Variants in CTNNBL1 observed in about 807,000 individuals in gnomAD.
The protein encoded by CTNNBL1 is catenin beta like 1.
Under a neutral mutation model 72.7 loss-of-function variants are expected in CTNNBL1, and 31 were observed. The observed-to-expected ratio is 0.43, with a 90% CI of 0.32 to 0.58. The LOEUF is 0.58. CTNNBL1 is among the 20% of genes least tolerant of loss of function. The probability of loss-of-function intolerance (pLI) is 0.08; values close to 1 mark genes in which losing one functional copy is unlikely to be tolerated. For missense variants in CTNNBL1, 534 were observed against 725.1 expected (o/e 0.74, Z 3.03); for synonymous variants, 240 against 267.3 (o/e 0.90, Z 1.00).
chr20:37,760,132 G>A (rs1568767949), intron 5 of CTNNBL1, among the ~76,000 whole-genome samples: 1 of 152,148 alleles, frequency 6.6e-6, no homozygotes, highest in Admixed American at 6.5e-5. Context: ...AAATATTTGT[G>A]CTTTGTAACA....
intron 1 of CTNNBL1, chr20:37,727,302 G>A: frequency 8.2e-6 from 8 of 980,610 alleles, no homozygotes; most frequent in South Asian, 4.7e-5. Context: ...CTGTTTTCAG[G>A]GGCATGGATG....
chr20:37,779,306 G>A lies in CTNNBL1; in HGVS notation c.1002G>A (p.Glu334=), dbSNP rs2073605080. ...ATCGTGAGCGCTTCCTGAAGGGCGA[G>A]GGTCTTCAGCTGATGAATCTCATGC... ...SSNRERFLKG[E]GLQLMNLMLR... is the part of the protein sequence containing the mutation. Residue 334 remains glutamate, a synonymous_variant, in exon 10 of 16, where the codon GAG becomes GAA. Transcript: ENST00000361383. 6.2e-7 allele frequency: 1 copy of A among 1,613,526 alleles called. No individual in the cohort carries two copies. Among genetic ancestry groups the A allele is most frequent in the Non-Finnish European group, 8.5e-7 (1 of 1,179,678 alleles).
At chr20:37,726,386 A>T (rs2122587037) in intron 1 of CTNNBL1, among the ~76,000 whole-genome samples, 1 of 152,272 alleles carries the variant, frequency 6.6e-6, no homozygotes, top group Non-Finnish European at 1.5e-5. Context: ...CTTTCCAGCC[A>T]GTTTTAAGTT....
chr20:37,696,698 C>G (rs1049068928), intron 1 of CTNNBL1, among the ~76,000 whole-genome samples: 13 of 151,888 alleles, frequency 8.6e-5, no homozygotes, highest in Admixed American at 5.9e-4. Flanking sequence ...CAGCCTTGGC[C>G]TCCCAAAGTG....
intron 13 of CTNNBL1, among the ~76,000 whole-genome samples, chr20:37,852,317 T>C (rs2072403617): frequency 6.6e-6 from 1 of 152,218 alleles, no homozygotes; most frequent in African/African-American, 2.4e-5. Flanking sequence ...CATATTCCCA[T>C]TTGAAGCGTA....
At chr20:37,812,640 A>T (rs1215230919) in intron 11 of CTNNBL1, among the ~76,000 whole-genome samples, 1 of 152,162 alleles carries the variant, frequency 6.6e-6, no homozygotes, top group Non-Finnish European at 1.5e-5. Context: ...GGCTTCATTC[A>T]TTCTTATATT....
At chr20:37,838,589 T>G (rs2072275035) in intron 11 of CTNNBL1, among the ~76,000 whole-genome samples, 1 of 152,142 alleles carries the variant, frequency 6.6e-6, no homozygotes, top group African/African-American at 2.4e-5. Context: ...TGTTTGGACG[T>G]TAAGTTTAAA....
In CTNNBL1 at chr20:37,703,513, A is replaced by G. The variant is rs6020338; in HGVS notation, c.30+9361A>G. ...ATTTGACTCTGTAACTCTCTTCTTC[A>G]TCATTTTAGAAGAACTCATTCATTC... On this transcript the variant is annotated intron_variant, in intron 1 of 15. Transcript: ENST00000361383. Among the ~76,000 whole-genome samples, 693 of 152,296 alleles carry G rather than the reference A, an allele frequency of 4.6e-3. 9 individuals are homozygous for G. The highest frequency in any genetic ancestry group is 0.017 in the East Asian group (89 of 5,188).
At chr20:37,794,869 T>A (rs1235578190) in intron 10 of CTNNBL1, among the ~76,000 whole-genome samples, 1 of 152,036 alleles carries the variant, frequency 6.6e-6, no homozygotes, top group African/African-American at 2.4e-5. Flanking sequence ...TTCTGGGAGT[T>A]TTTTTGTTTT....
chr20:37,784,710 T>G (rs1448838935), intron 10 of CTNNBL1, among the ~76,000 whole-genome samples: 1 of 152,220 alleles, frequency 6.6e-6, no homozygotes, highest in African/African-American at 2.4e-5. Flanking sequence ...TGAAAAGTTG[T>G]TGTAATTATT....
intron 4 of CTNNBL1, among the ~76,000 whole-genome samples, chr20:37,754,026 A>C (rs2073343175): frequency 6.6e-6 from 1 of 152,112 alleles, no homozygotes; most frequent in Non-Finnish European, 1.5e-5. Context: ...ATGTGAGGCA[A>C]AGATGAATAT....
intron 15 of CTNNBL1, among the ~76,000 whole-genome samples, chr20:37,861,420 C>T (rs994595393): frequency 6.6e-6 from 1 of 152,228 alleles, no homozygotes; most frequent in African/African-American, 2.4e-5. Flanking sequence ...GTACGTGTGG[C>T]AGTGGAGGCC....
chr20:37,709,866 A>G (rs145106356), intron 1 of CTNNBL1, among the ~76,000 whole-genome samples: 11 of 152,204 alleles, frequency 7.2e-5, no homozygotes, highest in African/African-American at 2.7e-4. Context: ...TCTTTGGAAA[A>G]TGTGATGCCC....
chr20:37,713,230 A>G (rs1012216473), intron 1 of CTNNBL1, among the ~76,000 whole-genome samples: 1 of 152,208 alleles, frequency 6.6e-6, no homozygotes, highest in Non-Finnish European at 1.5e-5. Context: ...GACTTGTGCC[A>G]GTGGTTGCGT....
intron 1 of CTNNBL1, among the ~76,000 whole-genome samples, chr20:37,706,584 A>G (rs2072887257): frequency 6.6e-6 from 1 of 152,186 alleles, no homozygotes; most frequent in Admixed American, 6.5e-5. Flanking sequence ...TAGTTATCTT[A>G]CTGTTTCCAC....
chr20:37,849,142 T>G (rs1235052924), intron 13 of CTNNBL1, among the ~76,000 whole-genome samples: 1 of 152,208 alleles, frequency 6.6e-6, no homozygotes, highest in Non-Finnish European at 1.5e-5. Flanking sequence ...AACACTTACA[T>G]TCAGGCTACC....
At chr20:37,779,132 T>C in intron 9 of CTNNBL1, 55 bp from the exon 10 acceptor site, 1 of 1,577,636 alleles carries the variant, frequency 6.3e-7, no homozygotes, top group Non-Finnish European at 8.7e-7. Context: ...GGATGGAGGC[T>C]CATGAAAAGA....
At chr20:37,765,721 T>C (rs987379879) in intron 6 of CTNNBL1, among the ~76,000 whole-genome samples, 2 of 152,256 alleles carry the variant, frequency 1.3e-5, no homozygotes, top group African/African-American at 4.8e-5. Flanking sequence ...GACATTTTAT[T>C]TGAAAAAGAG....
chr20:37,861,301 G>C (rs145107773), intron 15 of CTNNBL1, among the ~76,000 whole-genome samples: 38 of 152,306 alleles, frequency 2.5e-4, no homozygotes, highest in African/African-American at 7.2e-4. Context: ...AGCTGGAGAG[G>C]CCTCCAGTCG....
Sources: allele counts gnomAD v4.1 joint callset (sites outside exome capture counted in the v4.1 genomes callset), GRCh38; gene constraint gnomAD v4.1.1; transcripts MANE v1.5; gene names NCBI Gene and HGNC (gene_info 2026-07-23, HGNC 2026-07-21).